Variants in KLHL13 observed in about 807,000 individuals in gnomAD.
The protein encoded by KLHL13 is kelch like family member 13, also known as kelch-like protein 13.
A neutral mutation model predicts 37.1 loss-of-function variants in KLHL13; 10 were observed. That is an observed-to-expected ratio of 0.27 (90% confidence interval 0.17 to 0.46). KLHL13 has a LOEUF of 0.46. KLHL13 is among the 20% of genes least tolerant of loss of function. The probability of loss-of-function intolerance (pLI) is 1.00; values close to 1 mark genes in which losing one functional copy is unlikely to be tolerated. For missense variants in KLHL13, 360 were observed against 509.3 expected (o/e 0.71, Z 2.82); for synonymous variants, 163 against 181.2 (o/e 0.90, Z 0.81).
intron 1 of KLHL13, among the ~76,000 whole-genome samples, chrX:118,035,543 C>A (rs1165310491): frequency 9.2e-6 from 1 of 108,610 alleles, no homozygotes; most frequent in Non-Finnish European, 1.9e-5. Context: ...AATTCAACAA[C>A]CCTTCATGCT....
intron 4 of KLHL13, among the ~76,000 whole-genome samples, chrX:117,919,052 T>A (rs1931539279): frequency 9.0e-6 from 1 of 110,883 alleles, no homozygotes; most frequent in South Asian, 3.9e-4. Flanking sequence ...AGATGGAGTC[T>A]CACTCTTGTT....
chrX:117,982,728 G>A (rs1221165005), intron 1 of KLHL13, among the ~76,000 whole-genome samples: 1 of 112,096 alleles, frequency 8.9e-6, no homozygotes, highest in Non-Finnish European at 1.9e-5. Flanking sequence ...ATCACACCAG[G>A]TCTACTAAAC....
intron 6 of KLHL13, 25 bp downstream of exon 7, chrX:117,901,808 T>C (rs1930111677): frequency 1.4e-6 from 1 of 739,845 alleles, no homozygotes; most frequent in East Asian, 3.2e-5. Context: ...ATATATTATA[T>C]TGTGTTCACA....
chrX:118,091,012 G>A (rs1219091230), intron 1 of KLHL13, among the ~76,000 whole-genome samples: 1 of 106,187 alleles, frequency 9.4e-6, no homozygotes, highest in Non-Finnish European at 1.9e-5. Flanking sequence ...ATCATTCTCA[G>A]CAAACTATCG....
intron 1 of KLHL13, among the ~76,000 whole-genome samples, chrX:118,004,856 C>A (rs2053964006): frequency 9.0e-6 from 1 of 111,418 alleles, no homozygotes. Flanking sequence ...AAGATCATGT[C>A]TGTGCAATTC....
At chrX:118,079,155 G>A (rs2054960765) in intron 1 of KLHL13, among the ~76,000 whole-genome samples, 2 of 110,356 alleles carry the variant, frequency 1.8e-5, no homozygotes, top group African/African-American at 6.6e-5. Flanking sequence ...GCACAAATAG[G>A]GCAAATGATT....
chrX:118,098,376 T>A (rs2055239191), intron 1 of KLHL13, among the ~76,000 whole-genome samples: 1 of 111,447 alleles, frequency 9.0e-6, no homozygotes, highest in African/African-American at 3.3e-5. Context: ...CACAATGAGA[T>A]ACCAACTCAC....
At chrX:118,095,219 A>G (rs1299278077) in intron 1 of KLHL13, among the ~76,000 whole-genome samples, 3 of 110,791 alleles carry the variant, frequency 2.7e-5, no homozygotes, top group Non-Finnish European at 5.7e-5. Flanking sequence ...ATGGAAAACA[A>G]AAAAAGGCAG....
intron 1 of KLHL13, among the ~76,000 whole-genome samples, chrX:117,967,076 C>A (rs373315367): frequency 2.0e-3 from 220 of 111,510 alleles, no homozygotes; most frequent in African/African-American, 6.9e-3. Flanking sequence ...TAATTAAACT[C>A]AAGAGCTTCT....
intron 1 of KLHL13, among the ~76,000 whole-genome samples, chrX:118,067,332 T>TTCA (rs2054805557): frequency 9.0e-6 from 1 of 111,508 alleles, no homozygotes; most frequent in African/African-American, 3.3e-5. Context: ...GACTGGAAGT[T>TTCA]GGTTGCTCTG....
At chrX:117,974,050 T>C (rs1247173622), upstream of KLHL13, among the ~76,000 whole-genome samples, 1 of 111,261 alleles carries the variant, frequency 9.0e-6, no homozygotes, top group African/African-American at 3.3e-5. Flanking sequence ...GGCTCATCTA[T>C]ATTGTTTCAA....
chrX:117,974,266 C>A (rs1438647785), upstream of KLHL13, among the ~76,000 whole-genome samples: 1 of 111,762 alleles, frequency 8.9e-6, no homozygotes, highest in East Asian at 2.8e-4. Context: ...CCTTCTGCTT[C>A]TACCTAAAAA....
At chrX:117,902,506 G>A (rs949788506) in intron 5 of KLHL13, among the ~76,000 whole-genome samples, 2 of 111,553 alleles carry the variant, frequency 1.8e-5, no homozygotes, top group East Asian at 2.8e-4. Flanking sequence ...CTAATAGTTC[G>A]TATATACCCA....
At chrX:118,048,663 T>C (rs1247141362) in intron 1 of KLHL13, among the ~76,000 whole-genome samples, 1 of 111,846 alleles carries the variant, frequency 8.9e-6, no homozygotes, top group East Asian at 2.8e-4. Context: ...GCAGACGGGA[T>C]ATGACATAGA....
intron 1 of KLHL13, among the ~76,000 whole-genome samples, chrX:117,989,376 C>A (rs1329216797): frequency 2.7e-5 from 3 of 109,168 alleles, no homozygotes; most frequent in African/African-American, 1.0e-4. Flanking sequence ...CTCCTGATAC[C>A]TAATTTGGTG....
chrX:117,986,932 A>T (rs2053732791), intron 1 of KLHL13, among the ~76,000 whole-genome samples: 1 of 111,715 alleles, frequency 9.0e-6, no homozygotes, highest in Admixed American at 9.5e-5. Context: ...AGAGCCTCAG[A>T]GTAAGTAAGC....
chrX:117,949,658 T>C (rs1395306407), intron 1 of KLHL13, among the ~76,000 whole-genome samples: 1 of 112,057 alleles, frequency 8.9e-6, no homozygotes, highest in African/African-American at 3.2e-5. Context: ...ACCAGTACCA[T>C]TGTGTTTAAA....
chrX:118,038,292 G>A (rs989372014), intron 1 of KLHL13, among the ~76,000 whole-genome samples: 6 of 112,083 alleles, frequency 5.4e-5, no homozygotes, highest in African/African-American at 6.5e-5. Flanking sequence ...GTAGGAAGAC[G>A]AAATTGAACA....
At chrX:118,083,081 G>A (rs934929053) in intron 1 of KLHL13, among the ~76,000 whole-genome samples, 3 of 111,799 alleles carry the variant, frequency 2.7e-5, no homozygotes, top group Non-Finnish European at 3.8e-5. Context: ...CATACAAATT[G>A]TAAGATTGTT....
Sources: gnomAD v4.1 joint callset for allele counts (sites outside exome capture counted in the v4.1 genomes callset) on GRCh38, gnomAD v4.1.1 for gene constraint, MANE v1.5 for transcripts, NCBI Gene and HGNC (gene_info 2026-07-23, HGNC 2026-07-21) for gene names.